Variants in PUM2 observed in about 807,000 individuals in gnomAD.
PUM2 encodes the protein pumilio RNA binding family member 2.
In PUM2, 57 loss-of-function variants were observed where a neutral mutation model predicts 124.5. The ratio of observed to expected loss-of-function variants is 0.46; its 90% CI spans 0.37 to 0.57. The LOEUF (loss-of-function observed/expected upper bound fraction) is 0.57. Among genes scored for constraint, PUM2 ranks in the 20% least tolerant of loss-of-function variants. PUM2 has a pLI of 0.00. For synonymous variants in PUM2, 460 were observed against 446.1 expected (o/e 1.03, Z -0.39); for missense variants, 1,065 against 1,290.6 (o/e 0.83, Z 2.68).
Position 20,248,833 on chromosome 2 carries a change from A to G in PUM2, c.*2752T>C, listed in dbSNP as rs547948591. ...TAACATTATTTCATATGAACCAATA[A>G]GAGCCAGGACTTAGACAAACTGGTC... On this transcript the variant is annotated 3_prime_UTR_variant, in exon 21 of 21. Transcript: ENST00000361078. 5 of 152,810 alleles carry G rather than the reference A, an allele frequency of 3.3e-5. No individual in the cohort carries two copies. The East Asian group carries it at 9.6e-4, about 29-fold the overall frequency. The allele number at this position is 152,810 out of a possible 1,614,324, so 9.5% of individuals were successfully genotyped here.
At chr2:20,349,675 G>A (rs1298998136) in intron 1 of PUM2, among the ~76,000 whole-genome samples, 4 of 152,118 alleles carry the variant, frequency 2.6e-5, no homozygotes, top group Admixed American at 1.3e-4. Flanking sequence ...TTGACATACA[G>A]TACCTTTACA....
intron 1 of PUM2, among the ~76,000 whole-genome samples, chr2:20,336,132 T>G (rs1159096968): frequency 6.6e-6 from 1 of 152,214 alleles, no homozygotes. Flanking sequence ...TAGATGGAAA[T>G]GAAGATGACA....
chr2:20,263,526 T>G, intron 13 of PUM2, 66 bp from the exon 14 acceptor site: 2 of 1,491,602 alleles, frequency 1.3e-6, no homozygotes, highest in Middle Eastern at 1.8e-4. Flanking sequence ...AAAATTTACT[T>G]TAGCTACAAA....
intron 13 of PUM2, among the ~76,000 whole-genome samples, chr2:20,273,385 A>G (rs1669485939): frequency 1.3e-5 from 2 of 152,220 alleles, no homozygotes; most frequent in Admixed American, 1.3e-4. Flanking sequence ...ATGCCAAAAC[A>G]CAGGATGGGA....
chr2:20,253,644 C>T (rs1018055357), intron 20 of PUM2, among the ~76,000 whole-genome samples, 178 bp downstream of exon 20: 1 of 152,030 alleles, frequency 6.6e-6, no homozygotes, highest in Non-Finnish European at 1.5e-5. Context: ...CATGCCTGGC[C>T]ATGATAACCT....
chr2:20,273,108 T>C (rs2148742869), intron 13 of PUM2, among the ~76,000 whole-genome samples: 1 of 152,370 alleles, frequency 6.6e-6, no homozygotes, highest in South Asian at 2.1e-4. Context: ...TACAGGTGAA[T>C]TCTTGGTAGA....
At chr2:20,264,513 G>GA (rs1012305741) in intron 13 of PUM2, among the ~76,000 whole-genome samples, 1 of 149,992 alleles carries the variant, frequency 6.7e-6, no homozygotes, top group African/African-American at 2.5e-5. Context: ...TCCGTTCCAA[G>GA]AAAGAAAATC....
intron 7 of PUM2, among the ~76,000 whole-genome samples, chr2:20,303,731 G>A (rs1014688556): frequency 3.3e-5 from 5 of 152,180 alleles, no homozygotes; most frequent in East Asian, 1.9e-4. Flanking sequence ...GACCATCTAC[G>A]TTTTATATCC....
chr2:20,307,879 C>A, intron 7 of PUM2, 99 bp downstream of exon 7: 1 of 1,454,638 alleles, frequency 6.9e-7, no homozygotes, highest in Admixed American at 2.0e-5. Flanking sequence ...TCAGATGTTT[C>A]AAAAAGTAAC....
intron 13 of PUM2, among the ~76,000 whole-genome samples, chr2:20,275,537 A>G (rs1039027369): frequency 2.0e-5 from 3 of 152,024 alleles, no homozygotes; most frequent in African/African-American, 7.2e-5. Flanking sequence ...CAACCTCTGG[A>G]AAAAAAATTA....
chr2:20,261,530 TA>T (rs199675974), intron 14 of PUM2, among the ~76,000 whole-genome samples: 2,777 of 138,954 alleles, frequency 0.02, 65 homozygotes, highest in African/African-American at 0.059. Flanking sequence ...TCCACTTGTT[TA>T]AAAAAAAAAA....
chr2:20,290,008 ATTT>A (rs778338823), intron 10 of PUM2, among the ~76,000 whole-genome samples: 2 of 151,960 alleles, frequency 1.3e-5, no homozygotes, highest in Non-Finnish European at 2.9e-5. Context: ...CAAATGCTGC[ATTT>A]TTTTTACTTA....
rs1689218060 is a variant in PUM2 at position 20,350,759 on chromosome 2, C to T, written c.-181G>A. Reference sequence around the variant, plus strand: ...CCACCCCACCTCCTCCTTCTCCTCCCCCTCCTCCTCCGAACCACCGAAGTA... The same window carrying T: ...CCACCCCACCTCCTCCTTCTCCTCCTCCTCCTCCTCCGAACCACCGAAGTA... On this transcript the variant is annotated 5_prime_UTR_variant, in exon 1 of 21. Coordinates refer to ENST00000361078, the MANE Select transcript of PUM2 (RefSeq NM_015317.5). 5 of 977,750 alleles carry T rather than the reference C, an allele frequency of 5.1e-6. No homozygotes were observed. The highest frequency in any genetic ancestry group is 1.8e-5 in the African/African-American group (1 of 56,068). The allele number at this position is 977,750 out of a possible 1,614,324, so 60.6% of individuals were successfully genotyped here. A position where few individuals can be genotyped will look rare whatever the true frequency, so the allele number is the denominator to read the frequency against.
intron 10 of PUM2, 122 bp from the exon 11 acceptor site, chr2:20,283,608 C>G: frequency 1.0e-6 from 1 of 1,001,576 alleles, no homozygotes. Flanking sequence ...ACTATAAAAT[C>G]CTTAGTTAAT....
Position 20,283,162 on chromosome 2 carries a change from A to G in PUM2, c.1505T>C (p.Ile502Thr). The change falls in exon 12 of 21, where the codon ATT becomes ACT. Residue 502 changes from isoleucine (I) to threonine (T), a missense_variant. Ile to Thr is a moderately conservative substitution (Grantham distance 89). This residue lies in a region of PUM2 where 968 missense variants were observed against 1,159.8 expected (regional missense o/e 0.83). Coordinates refer to ENST00000361078, the MANE Select transcript of PUM2 (RefSeq NM_015317.5). ...TGSTNGLFRP[I>T]GTQPPQQQQQ... ...CTGCTGCTGTGGTGGCTGAGTGCCA[A>G]TTGGCCGAAACAGACCATTTGTGCT... The G allele has an allele frequency of 1.9e-6, 3 of 1,614,072 alleles. No homozygotes were observed. Among genetic ancestry groups the G allele is most frequent in the Non-Finnish European group, 2.5e-6 (3 of 1,179,994 alleles).
Position 20,278,596 on chromosome 2 carries a change from G to A in PUM2, c.1944C>T (p.Ser648=). The change falls in exon 13 of 21, where the codon TCC becomes TCT. Residue 648 remains serine (S), a synonymous_variant. Coordinates refer to ENST00000361078, the MANE Select transcript of PUM2 (RefSeq NM_015317.5). Reference sequence around the variant, plus strand: ...TTTTTTTTTTACCTAAATGCAAACTGGATGAGGATCCATGTGATGAAAGTG... The same window carrying A: ...TTTTTTTTTTACCTAAATGCAAACTAGATGAGGATCCATGTGATGAAAGTG... ...PPSLSSHGSS[S]SLHLGGLTNG... is the part of the protein sequence containing the mutation. The A allele has an allele frequency of 6.2e-7, 1 of 1,610,560 alleles. No homozygotes were observed. Among genetic ancestry groups the A allele is most frequent in the Non-Finnish European group, 8.5e-7 (1 of 1,177,316 alleles).
At chr2:20,265,199 CAG>C (rs1667359165) in intron 13 of PUM2, among the ~76,000 whole-genome samples, 1 of 148,746 alleles carries the variant, frequency 6.7e-6, no homozygotes, top group Non-Finnish European at 1.5e-5. Context: ...TTGCAGTGAG[CAG>C]AGATTGCACC....
chr2:20,341,151 T>G (rs1419511692), intron 1 of PUM2, among the ~76,000 whole-genome samples: 1 of 152,034 alleles, frequency 6.6e-6, no homozygotes, highest in Non-Finnish European at 1.5e-5. Context: ...GGGCCACAGC[T>G]CTTACCTGCG....
chr2:20,255,107 TTG>T, intron 18 of PUM2, 107 bp downstream of exon 18: 1 of 1,464,726 alleles, frequency 6.8e-7, no homozygotes, highest in Non-Finnish European at 9.3e-7. Flanking sequence ...CAACAGCCTT[TTG>T]TCTCACTCTT....
Sources: allele counts gnomAD v4.1 joint callset (sites outside exome capture counted in the v4.1 genomes callset), GRCh38; gene constraint gnomAD v4.1.1; regional missense constraint gnomAD v4.1.1; transcripts MANE v1.5; gene names NCBI Gene and HGNC (gene_info 2026-07-23, HGNC 2026-07-21).